The following GDAP1L1 variants were observed in gnomAD, a reference collection of about 807,000 sequenced individuals.
GDAP1L1 encodes the protein ganglioside-induced differentiation-associated protein 1-like 1.
A neutral mutation model predicts 37.1 loss-of-function variants in GDAP1L1; 21 were observed. The ratio of observed to expected loss-of-function variants is 0.57; its 90% confidence interval spans 0.40 to 0.81. The LOEUF (loss-of-function observed/expected upper bound fraction) is 0.81. GDAP1L1 is among the 40% of genes least tolerant of loss of function. The probability of loss-of-function intolerance (pLI) is 0.00; values close to 1 mark genes in which losing one functional copy is unlikely to be tolerated. For missense variants in GDAP1L1, 362 were observed against 491.6 expected, an observed-to-expected ratio of 0.74 and a Z score of 2.49; for synonymous variants, 193 against 209.1, an observed-to-expected ratio of 0.92 and a Z score of 0.67.
chr20:44,252,254 G>T (rs1402228385), intron 1 of GDAP1L1, among the ~76,000 whole-genome samples: 2 of 152,252 alleles, frequency 1.3e-5, no homozygotes, highest in Non-Finnish European at 2.9e-5. Flanking sequence ...GCTCACACCT[G>T]TAATCCCAGC....
At chr20:44,258,653 C>A in intron 3 of GDAP1L1, 46 bp downstream of exon 3, 1 of 1,415,014 alleles carries the variant, frequency 7.1e-7, no homozygotes, top group Non-Finnish European at 9.7e-7. Flanking sequence ...TCCCCCTTTG[C>A]GCCGCTCCTT....
intron 3 of GDAP1L1, 54 bp downstream of exon 3, chr20:44,258,661 C>A: frequency 7.4e-7 from 1 of 1,352,336 alleles, no homozygotes; most frequent in South Asian, 1.3e-5. Context: ...TGCGCCGCTC[C>A]TTTCTTCCAA....
chr20:44,260,508 A>C (rs543533934), intron 3 of GDAP1L1, among the ~76,000 whole-genome samples: 1 of 152,150 alleles, frequency 6.6e-6, no homozygotes, highest in Non-Finnish European at 1.5e-5. Context: ...AACAATATAC[A>C]TGTATATCCT....
chr20:44,266,465 C>T (rs563510535), intron 5 of GDAP1L1, among the ~76,000 whole-genome samples: 3 of 152,194 alleles, frequency 2.0e-5, no homozygotes, highest in East Asian at 3.9e-4. Context: ...GCCATGCTCT[C>T]GGTGGGTGAC....
intron 1 of GDAP1L1, among the ~76,000 whole-genome samples, chr20:44,253,514 A>G (rs1290418900): frequency 6.6e-6 from 1 of 152,266 alleles, no homozygotes; most frequent in Non-Finnish European, 1.5e-5. Flanking sequence ...AGCCCATCAC[A>G]TAAACAAGGG....
chr20:44,247,607 T>G, intron 1 of GDAP1L1, 93 bp downstream of exon 1: 12 of 1,172,422 alleles, frequency 1.0e-5, no homozygotes, highest in South Asian at 3.5e-5. Context: ...GGCGAAAGAC[T>G]GGAGGGGGGA....
rs2062618911 is a variant in GDAP1L1, at chr20:44,279,438, T to G, written c.*138T>G. The G allele has an allele frequency of 1.4e-6, 1 of 714,884 alleles. No homozygotes were observed. Among genetic ancestry groups the G allele is most frequent in the African/African-American group, 1.7e-5 (1 of 57,220 alleles). 44.3% of individuals were successfully genotyped at this position (714,884 alleles called of 1,614,324 possible). ...TCGTTCTGAGTAATAATACCGTCAG[T>G]GTGAAAACATTCCGTAGTTTAGAAG... is the stretch of plus-strand genomic sequence containing the variant. On this transcript the variant is annotated 3_prime_UTR_variant, in exon 6 of 6. Transcript: ENST00000342560.
Position 44,249,089 on chromosome 20 carries a change from G to A in GDAP1L1, c.180+1575G>A, listed in dbSNP as rs188254719. 2.2e-3 allele frequency among the ~76,000 whole-genome samples: 339 copies of A among 151,964 alleles called. 2 individuals carry two copies. Among genetic ancestry groups the A allele is most frequent in the African/African-American group, 8.0e-3 (333 of 41,434 alleles). ...CTTGCTCTGTTGCCCAGGCTGGAGG[G>A]CAGTGGCATGATTTTGGCTCACTGC... On this transcript the variant is annotated intron_variant, in intron 1 of 5. Transcript: ENST00000342560.
At chr20:44,266,230 C>T (rs1013763925) in intron 5 of GDAP1L1, among the ~76,000 whole-genome samples, 2 of 152,066 alleles carry the variant, frequency 1.3e-5, no homozygotes, top group Admixed American at 6.6e-5. Context: ...ATCACTTGAA[C>T]CTGGGAGGCA....
intron 5 of GDAP1L1, among the ~76,000 whole-genome samples, chr20:44,275,473 C>T (rs539895533): frequency 2.1e-4 from 32 of 152,144 alleles, no homozygotes; most frequent in Middle Eastern, 6.8e-3. Context: ...TTCAAAGGTG[C>T]GGGGGCAAGC....
intron 3 of GDAP1L1, 28 bp from the exon 4 acceptor site, chr20:44,263,202 G>A (rs1362772819): frequency 6.3e-7 from 1 of 1,580,406 alleles, no homozygotes; most frequent in South Asian, 1.1e-5. Flanking sequence ...GTATCAGAGG[G>A]ATGGGACCTT....
chr20:44,276,593 A>T (rs1370827578), intron 5 of GDAP1L1, among the ~76,000 whole-genome samples: 1 of 152,076 alleles, frequency 6.6e-6, no homozygotes, highest in Non-Finnish European at 1.5e-5. Flanking sequence ...TGTTTTTGTT[A>T]TGTTTACTTT....
In GDAP1L1 at chr20:44,271,900, T is replaced by C. The variant is rs113506604; in HGVS notation, c.761-7057T>C. ...AAGCCACAGGCAGGATGCAGGGACA[T>C]CCCAAGGCAGAGAGGAGTACCCCAG... On this transcript the variant is annotated intron_variant, in intron 5 of 5. Coordinates refer to ENST00000342560, the MANE Select transcript of GDAP1L1 (RefSeq NM_024034.6). Among the ~76,000 whole-genome samples, 745 of 152,118 alleles carry C rather than the reference T, an allele frequency of 4.9e-3. 11 individuals carry two copies. The highest frequency in any genetic ancestry group is 0.017 in the African/African-American group (720 of 41,486).
intron 3 of GDAP1L1, among the ~76,000 whole-genome samples, chr20:44,259,812 C>T (rs2073639771): frequency 6.6e-6 from 1 of 152,070 alleles, no homozygotes; most frequent in Non-Finnish European, 1.5e-5. Flanking sequence ...TCAGGATTTA[C>T]CTGTACATCC....
intron 1 of GDAP1L1, 111 bp from the exon 2 acceptor site, chr20:44,257,042 T>C: frequency 2.7e-6 from 3 of 1,124,990 alleles, no homozygotes; most frequent in Non-Finnish European, 3.7e-6. Context: ...AGCAATCGTG[T>C]CCCCTCCTGT....
At chr20:44,260,862 A>G (rs543442518) in intron 3 of GDAP1L1, among the ~76,000 whole-genome samples, 100 of 152,262 alleles carry the variant, frequency 6.6e-4, no homozygotes, top group African/African-American at 2.2e-3. Flanking sequence ...CAGTGGAGAA[A>G]CGGTGATGGG....
intron 1 of GDAP1L1, among the ~76,000 whole-genome samples, chr20:44,252,356 C>G (rs920238590): frequency 6.6e-6 from 1 of 152,168 alleles, no homozygotes; most frequent in African/African-American, 2.4e-5. Flanking sequence ...CCTAAAAATA[C>G]AGGCTGGGCG....
intron 5 of GDAP1L1, among the ~76,000 whole-genome samples, chr20:44,270,477 A>C (rs1384930319): frequency 3.3e-5 from 5 of 152,150 alleles, no homozygotes; most frequent in African/African-American, 1.2e-4. Context: ...GCCTGTCTTA[A>C]ATTTTAAAAT....
chr20:44,264,382 T>C, intron 4 of GDAP1L1, 63 bp from the exon 5 acceptor site: 2 of 1,401,030 alleles, frequency 1.4e-6, no homozygotes, highest in East Asian at 2.6e-5. Flanking sequence ...GCTCCTTCCA[T>C]CCCTGAACAT....
Sources: gnomAD v4.1 joint callset for allele counts (sites outside exome capture counted in the v4.1 genomes callset) on GRCh38, gnomAD v4.1.1 for gene constraint, MANE v1.5 for transcripts, NCBI Gene and HGNC (gene_info 2026-07-23, HGNC 2026-07-21) for gene names.